The following ALK variants were observed in gnomAD, a reference collection of about 807,000 sequenced individuals.
The protein encoded by ALK is ALK tyrosine kinase receptor.
A neutral mutation model predicts 163.1 loss-of-function variants in ALK; 74 were observed. That is an observed-to-expected ratio of 0.45 (90% CI 0.38 to 0.55). ALK has a LOEUF of 0.55. Ranked by LOEUF, ALK falls within the 20% of genes least tolerant of loss-of-function variation. The pLI is 0.00. For synonymous variants in ALK, 960 were observed against 843.2 expected, an observed-to-expected ratio of 1.14 and a Z score of -2.40; for missense variants, 2,063 against 2,105.3, an observed-to-expected ratio of 0.98 and a Z score of 0.39.
intron 1 of ALK, among the ~76,000 whole-genome samples, chr2:29,718,186 A>T (rs558450087): frequency 3.3e-5 from 5 of 152,320 alleles, no homozygotes; most frequent in African/African-American, 9.6e-5. Flanking sequence ...CTTAACAATT[A>T]TGTTATTGTC....
At chr2:29,268,941 G>C (rs2049707) in intron 11 of ALK, among the ~76,000 whole-genome samples, 2 of 152,122 alleles carry the variant, frequency 1.3e-5, no homozygotes, top group Admixed American at 1.3e-4. Context: ...ACATATAAAC[G>C]TATGTGATCC....
chr2:29,196,411 C>T (rs1669024187), intron 28 of ALK, among the ~76,000 whole-genome samples: 1 of 152,078 alleles, frequency 6.6e-6, no homozygotes, highest in African/African-American at 2.4e-5. Context: ...TTTCTCCAGC[C>T]AGGCTCTAAA....
chr2:29,490,478 G>T (rs927330935), intron 4 of ALK, among the ~76,000 whole-genome samples: 7 of 152,194 alleles, frequency 4.6e-5, no homozygotes, highest in African/African-American at 1.7e-4. Flanking sequence ...CTGGGGACTT[G>T]TTAGAAATGC....
chr2:29,339,466 C>T (rs922341025), intron 5 of ALK, among the ~76,000 whole-genome samples: 1 of 152,050 alleles, frequency 6.6e-6, no homozygotes, highest in African/African-American at 2.4e-5. Context: ...CGGAGGGAGG[C>T]CAAGGCCCAA....
chr2:29,197,943 C>T (rs1260640429), intron 26 of ALK, among the ~76,000 whole-genome samples: 2 of 152,044 alleles, frequency 1.3e-5, no homozygotes, highest in African/African-American at 4.8e-5. Flanking sequence ...ATTCAATATG[C>T]AATTTTGAAC....
chr2:29,707,402 C>G (rs549352071), intron 2 of ALK, among the ~76,000 whole-genome samples: 1 of 152,150 alleles, frequency 6.6e-6, no homozygotes, highest in Non-Finnish European at 1.5e-5. Context: ...GGGGGATGAA[C>G]TTGCCCATAC....
At chr2:29,282,907 T>C (rs1011950319) in intron 9 of ALK, among the ~76,000 whole-genome samples, 4 of 152,230 alleles carry the variant, frequency 2.6e-5, no homozygotes, top group African/African-American at 9.6e-5. Flanking sequence ...AAAGGCCTGC[T>C]GCAAGGATGT....
intron 8 of ALK, among the ~76,000 whole-genome samples, chr2:29,311,425 C>A (rs1374481908): frequency 1.3e-5 from 2 of 152,168 alleles, no homozygotes; most frequent in Admixed American, 1.3e-4. Flanking sequence ...AGCCACAGGG[C>A]AAACAGGGTG....
chr2:29,470,013 G>C (rs1357311093), intron 4 of ALK, among the ~76,000 whole-genome samples: 1 of 152,060 alleles, frequency 6.6e-6, no homozygotes, highest in Non-Finnish European at 1.5e-5. Context: ...AGACAGATGA[G>C]CAATAAAGAA....
intron 4 of ALK, among the ~76,000 whole-genome samples, chr2:29,484,022 G>C (rs750914771): frequency 6.6e-6 from 1 of 152,118 alleles, no homozygotes; most frequent in African/African-American, 2.4e-5. Flanking sequence ...CATGTGCAGG[G>C]GGAACTGCAC....
At chr2:29,223,973 A>G (rs1663831212) in intron 19 of ALK, 1 of 309,920 alleles carries the variant, frequency 3.2e-6, no homozygotes, top group Non-Finnish European at 6.1e-6. Flanking sequence ...GGGTGGAAGC[A>G]CCCTGGGTGC....
At chr2:29,240,127 G>T (rs955481890) in intron 12 of ALK, among the ~76,000 whole-genome samples, 2 of 146,672 alleles carry the variant, frequency 1.4e-5, no homozygotes, top group Non-Finnish European at 3.0e-5. Flanking sequence ...AGGGAGAGAA[G>T]GAGGGGAGAG....
At chr2:29,713,882 C>T (rs995036961) in intron 2 of ALK, among the ~76,000 whole-genome samples, 2 of 151,690 alleles carry the variant, frequency 1.3e-5, no homozygotes, top group South Asian at 4.2e-4. Context: ...TTCTCCTGCT[C>T]ATATGGGCAG....
chr2:29,589,014 C>T (rs1448659884), intron 3 of ALK, among the ~76,000 whole-genome samples: 2 of 152,108 alleles, frequency 1.3e-5, no homozygotes, highest in Non-Finnish European at 2.9e-5. Context: ...TCATCATCAA[C>T]AACATTTACA....
chr2:29,894,298 G>A (rs1667216546), intron 1 of ALK, among the ~76,000 whole-genome samples: 1 of 152,086 alleles, frequency 6.6e-6, no homozygotes, highest in South Asian at 2.1e-4. Context: ...ATAGCATGGG[G>A]GCTAAGGGCA....
intron 3 of ALK, among the ~76,000 whole-genome samples, chr2:29,553,433 T>C (rs138749251): frequency 7.2e-4 from 110 of 152,364 alleles, no homozygotes; most frequent in African/African-American, 2.6e-3. Flanking sequence ...TATTTTGTTG[T>C]AGCAGCACAA....
chr2:29,574,078 G>A (rs1674455667), intron 3 of ALK, among the ~76,000 whole-genome samples: 2 of 143,706 alleles, frequency 1.4e-5, no homozygotes, highest in African/African-American at 2.6e-5. Flanking sequence ...AAAAAAAAAT[G>A]TCCTTGCAGC....
intron 3 of ALK, among the ~76,000 whole-genome samples, chr2:29,693,892 A>G (rs1029363105): frequency 2.5e-4 from 38 of 152,328 alleles, no homozygotes; most frequent in Admixed American, 1.0e-3. Context: ...CGCTCTGAGC[A>G]CTAGTTTTCT....
chr2:29,874,319 G>A (rs1666650948), intron 1 of ALK, among the ~76,000 whole-genome samples: 1 of 150,840 alleles, frequency 6.6e-6, no homozygotes, highest in Non-Finnish European at 1.5e-5. Flanking sequence ...CTGTGTTCGT[G>A]TGACAAAGGC....
Sources: gnomAD v4.1 joint callset for allele counts (sites outside exome capture counted in the v4.1 genomes callset) on GRCh38, gnomAD v4.1.1 for gene constraint, MANE v1.5 for transcripts, NCBI Gene and HGNC (gene_info 2026-07-23, HGNC 2026-07-21) for gene names.